ANKFN1: variants seen among roughly 807,000 people sequenced by gnomAD.
ANKFN1 encodes ankyrin repeat and fibronectin type III domain containing 1, also known as ankyrin repeat and fibronectin type-III domain-containing protein 1.
In ANKFN1, 74 loss-of-function variants were observed where a neutral mutation model predicts 108.7. The ratio of observed to expected loss-of-function variants is 0.68; its 90% CI spans 0.56 to 0.83. ANKFN1 has a LOEUF of 0.83. Ranked by LOEUF, ANKFN1 falls within the 40% of genes least tolerant of loss-of-function variation. ANKFN1 has a pLI of 0.00. For synonymous variants in ANKFN1, 547 were observed against 516.2 expected (o/e 1.06, Z -0.81); for missense variants, 1,505 against 1,382.3 (o/e 1.09, Z -1.41).
chr17:56,182,071 G>A lies in ANKFN1; in HGVS notation c.-71+28541G>A, dbSNP rs528342583. Among the ~76,000 whole-genome samples, 3 of 152,264 alleles carry A rather than the reference G, an allele frequency of 2.0e-5. No individual in the cohort carries two copies. In the East Asian group the frequency reaches 5.8e-4, roughly 29 times the overall value. ...ATCAACAAATGCATGTACTCTGACT[G>A]CTCTGCCAATGGGCCCTTCTGCCAT... On this transcript the variant is annotated intron_variant, in intron 1 of 20. Coordinates refer to ENST00000682825, the MANE Select transcript of ANKFN1 (RefSeq NM_001370326.1).
At chr17:56,210,669 T>A (rs1914917922) in intron 1 of ANKFN1, among the ~76,000 whole-genome samples, 1 of 152,184 alleles carries the variant, frequency 6.6e-6, no homozygotes, top group African/African-American at 2.4e-5. Flanking sequence ...TGAGATTAGG[T>A]AATTTATAAA....
At chr17:56,382,612 C>T (rs1432976482) in intron 8 of ANKFN1, among the ~76,000 whole-genome samples, 2 of 151,792 alleles carry the variant, frequency 1.3e-5, no homozygotes. Flanking sequence ...CACATAGGCT[C>T]AAAATAAAAG....
intron 3 of ANKFN1, among the ~76,000 whole-genome samples, chr17:56,303,570 G>A (rs187016761): frequency 2.9e-4 from 44 of 152,306 alleles, no homozygotes; most frequent in Admixed American, 6.5e-4. Context: ...TATTGAAGCA[G>A]GCTATTTTCA....
At chr17:56,340,177 T>G (rs776766973) in intron 4 of ANKFN1, among the ~76,000 whole-genome samples, 1 of 152,198 alleles carries the variant, frequency 6.6e-6, no homozygotes, top group Non-Finnish European at 1.5e-5. Flanking sequence ...TAAATTTGTT[T>G]AAGTTCCTTG....
intron 3 of ANKFN1, among the ~76,000 whole-genome samples, chr17:56,299,048 C>G (rs1376079866): frequency 1.3e-5 from 2 of 152,210 alleles, no homozygotes; most frequent in African/African-American, 4.8e-5. Flanking sequence ...AAACGTACAC[C>G]TTTAATCACT....
intron 4 of ANKFN1, among the ~76,000 whole-genome samples, chr17:56,103,475 G>A (rs1389682967): frequency 6.6e-6 from 1 of 152,164 alleles, no homozygotes; most frequent in Non-Finnish European, 1.5e-5. Flanking sequence ...GGGGGAGTTT[G>A]AGCAATGGCT....
chr17:56,462,792 G>A (rs2049952193), intron 14 of ANKFN1, among the ~76,000 whole-genome samples: 1 of 152,112 alleles, frequency 6.6e-6, no homozygotes, highest in South Asian at 2.1e-4. Flanking sequence ...TCATCCCTCT[G>A]CTACCAGTCT....
intron 8 of ANKFN1, among the ~76,000 whole-genome samples, chr17:56,431,626 AAGG>A (rs1229211800): frequency 2.0e-5 from 3 of 152,224 alleles, no homozygotes; most frequent in Non-Finnish European, 4.4e-5. Context: ...TCCTGTCCTC[AAGG>A]AGTTTAATTC....
chr17:56,187,143 C>A (rs551258585), intron 1 of ANKFN1, among the ~76,000 whole-genome samples: 2 of 152,280 alleles, frequency 1.3e-5, no homozygotes, highest in Admixed American at 1.3e-4. Flanking sequence ...TCAGAGTGAA[C>A]AGGCAACCTA....
intron 4 of ANKFN1, among the ~76,000 whole-genome samples, chr17:56,090,772 A>T (rs1158819308): frequency 6.6e-6 from 1 of 150,676 alleles, no homozygotes; most frequent in Non-Finnish European, 1.5e-5. Context: ...ACATCTGGCT[A>T]ATTTTAAAAA....
intron 1 of ANKFN1, chr17:56,206,529 G>A (rs970887258): frequency 6.6e-6 from 1 of 152,174 alleles, no homozygotes; most frequent in Admixed American, 6.5e-5. Context: ...GGGATGGAAA[G>A]TACCGGGCCC....
chr17:56,433,955 G>A (rs1237646261), intron 8 of ANKFN1, among the ~76,000 whole-genome samples: 1 of 152,168 alleles, frequency 6.6e-6, no homozygotes, highest in Non-Finnish European at 1.5e-5. Flanking sequence ...AGAATTGCTT[G>A]AACCCGGGAG....
At chr17:56,121,052 G>A (rs139256430) in intron 4 of ANKFN1, among the ~76,000 whole-genome samples, 3 of 151,484 alleles carry the variant, frequency 2.0e-5, no homozygotes, top group Non-Finnish European at 2.9e-5. Context: ...TAATCTTCTC[G>A]GAACTGCACT....
chr17:56,362,385 T>C (rs1201929642), intron 6 of ANKFN1, among the ~76,000 whole-genome samples: 5 of 152,156 alleles, frequency 3.3e-5, no homozygotes, highest in Admixed American at 1.3e-4. Context: ...CTATCAAACA[T>C]TTGAAATATA....
chr17:56,288,500 C>A (rs4048446), intron 3 of ANKFN1, among the ~76,000 whole-genome samples: 15,103 of 151,728 alleles, frequency 0.1, 1,662 homozygotes, highest in African/African-American at 0.27. Context: ...TTATTTGTAA[C>A]TTAATTATTC....
intron 5 of ANKFN1, among the ~76,000 whole-genome samples, chr17:56,353,493 T>G (rs1322003468): frequency 6.6e-6 from 1 of 152,154 alleles, no homozygotes. Flanking sequence ...CACCTTGGCC[T>G]CCCAAAATTC....
intron 3 of ANKFN1, among the ~76,000 whole-genome samples, chr17:56,290,223 T>G (rs1399327975): frequency 6.6e-6 from 1 of 152,190 alleles, no homozygotes; most frequent in Non-Finnish European, 1.5e-5. Context: ...ACTCTCTTGT[T>G]CTACAAAGGA....
intron 4 of ANKFN1, among the ~76,000 whole-genome samples, chr17:56,054,006 C>G (rs1904822968): frequency 6.6e-6 from 1 of 152,114 alleles, no homozygotes; most frequent in African/African-American, 2.4e-5. Flanking sequence ...GCCATTCTTC[C>G]TCCCTCCCTC....
chr17:56,225,321 T>C (rs753119031), intron 2 of ANKFN1, among the ~76,000 whole-genome samples: 10 of 152,182 alleles, frequency 6.6e-5, no homozygotes, highest in Non-Finnish European at 1.2e-4. Context: ...TCTTGATGCA[T>C]TAAGCACTCC....
Sources: gnomAD v4.1 joint callset for allele counts (sites outside exome capture counted in the v4.1 genomes callset) on GRCh38, gnomAD v4.1.1 for gene constraint, MANE v1.5 for transcripts, NCBI Gene and HGNC (gene_info 2026-07-23, HGNC 2026-07-21) for gene names.